PCDHGA1: variants seen among roughly 807,000 people sequenced by gnomAD.
The protein encoded by PCDHGA1 is protocadherin gamma-A1.
PCDHGA1 carries 32 observed loss-of-function variants against 58.0 expected under a neutral mutation model. The ratio of observed to expected loss-of-function variants is 0.55; its 90% confidence interval spans 0.42 to 0.74. The LOEUF (loss-of-function observed/expected upper bound fraction) is 0.74. PCDHGA1 is among the 30% of genes least tolerant of loss of function. The pLI is 0.00. For synonymous variants in PCDHGA1, 498 were observed against 501.1 expected (o/e 0.99, Z 0.08); for missense variants, 1,205 against 1,182.3 (o/e 1.02, Z -0.28).
At chr5:141,405,145 G>A (rs772542898) in intron 1 of PCDHGA1, 4 of 1,613,952 alleles carry the variant, frequency 2.5e-6, no homozygotes, top group African/African-American at 2.7e-5. Context: ...CCAGTGATGG[G>A]TTGGCTGGTG....
intron 1 of PCDHGA1, chr5:141,350,355 G>T: frequency 6.4e-7 from 1 of 1,565,964 alleles, no homozygotes; most frequent in Non-Finnish European, 8.7e-7. Flanking sequence ...CAGCAGATCC[G>T]ATACACGATT....
rs562011010 is a variant in PCDHGA1, at chr5:141,427,600, G to A, written c.2422-67207G>A. On this transcript the variant is annotated intron_variant, in intron 1 of 3. Coordinates refer to ENST00000517417, the MANE Select transcript of PCDHGA1 (RefSeq NM_018912.3). ...TCATCCAGCACAAGCCTCACCCTAC[G>A]CATTGGTGAAGTCAACGACAATGCT... The A allele has an allele frequency of 6.7e-5, 46 of 683,296 alleles. 1 individual carries two copies. The East Asian group carries it at 1.2e-3, about 18-fold the overall frequency. 42.3% of individuals were successfully genotyped at this position (683,296 alleles called of 1,614,324 possible). A position where few individuals can be genotyped will look rare whatever the true frequency, so the allele number is the denominator to read the frequency against.
At chr5:141,441,102 C>G (rs1057297804) in intron 1 of PCDHGA1, 1 of 152,148 alleles carries the variant, frequency 6.6e-6, no homozygotes, top group East Asian at 1.9e-4. Context: ...GAGAGGGACT[C>G]ATTGTCCAGT....
At chr5:141,344,217 C>A in intron 1 of PCDHGA1, 1 of 1,613,990 alleles carries the variant, frequency 6.2e-7, no homozygotes, top group Non-Finnish European at 8.5e-7. Flanking sequence ...GCTGGCGGAG[C>A]GCGGAGTCCG....
chr5:141,497,626 G>T (rs1373764805), intron 2 of PCDHGA1, among the ~76,000 whole-genome samples: 3 of 149,502 alleles, frequency 2.0e-5, no homozygotes, highest in Non-Finnish European at 4.4e-5. Flanking sequence ...TGCAACCTCT[G>T]CCTGCCAGGT....
At chr5:141,382,717 G>A (rs759719502) in intron 1 of PCDHGA1, 38 of 488,830 alleles carry the variant, frequency 7.8e-5, no homozygotes, top group Non-Finnish European at 9.8e-5. Flanking sequence ...AGAAACCACC[G>A]AGTTTTACAG....
chr5:141,389,124 C>T (rs2091613941), intron 1 of PCDHGA1: 2 of 1,613,878 alleles, frequency 1.2e-6, no homozygotes, highest in South Asian at 2.2e-5. Context: ...CGAGCAGAAT[C>T]CAGAGTACAA....
At chr5:141,396,821 G>A (rs934244827) in intron 1 of PCDHGA1, among the ~76,000 whole-genome samples, 5 of 152,314 alleles carry the variant, frequency 3.3e-5, no homozygotes, top group Middle Eastern at 3.4e-3. Context: ...ACTGTATGGT[G>A]CATATTCAGT....
At chr5:141,352,573 T>TC in intron 1 of PCDHGA1, 1 of 1,613,874 alleles carries the variant, frequency 6.2e-7, no homozygotes, top group Non-Finnish European at 8.5e-7. Context: ...CGGAAATGGC[T>TC]CCCCCTCAGG....
rs200064261 is a variant in PCDHGA1, at chr5:141,487,515, G to A, written c.2422-7292G>A. 3.7e-5 allele frequency: 59 copies of A among 1,614,018 alleles called. No homozygotes were observed. The highest frequency in any genetic ancestry group is 8.8e-5 in the South Asian group (8 of 91,086). On this transcript the variant is annotated intron_variant, in intron 1 of 3. Coordinates refer to ENST00000517417, the MANE Select transcript of PCDHGA1 (RefSeq NM_018912.3). The surrounding 1 kb of genome is among the most constrained non-coding windows in gnomAD (Gnocchi z 5.0). Reference sequence around the variant, plus strand: ...ACACCCTTGGCTTCTGCACCCACTCGGAGTGATAGCTTCATGATGGTGAAG... The same window carrying A: ...ACACCCTTGGCTTCTGCACCCACTCAGAGTGATAGCTTCATGATGGTGAAG...
intron 1 of PCDHGA1, chr5:141,409,951 G>T: frequency 6.2e-7 from 1 of 1,613,374 alleles, no homozygotes; most frequent in Non-Finnish European, 8.5e-7. Context: ...GCTCTGCAGA[G>T]CCCGGCTACC....
At position 141,512,348 on chromosome 5, in the gene PCDHGA1, G is replaced by C. The variant is rs1172891268; in HGVS notation, c.*1175G>C. 4 of 152,886 alleles carry C rather than the reference G, an allele frequency of 2.6e-5. No homozygotes were observed. The highest frequency in any genetic ancestry group is 9.6e-5 in the African/African-American group (4 of 41,462). The allele number at this position is 152,886 out of a possible 1,614,324, so 9.5% of individuals were successfully genotyped here. A position where few individuals can be genotyped will look rare whatever the true frequency, so the allele number is the denominator to read the frequency against. ...GGCCATTCTTAGTCCCTGGGTTGGG[G>C]AGGCAGGGAGCTAGGGCAGGGACCA... On this transcript the variant is annotated 3_prime_UTR_variant, in exon 4 of 4. Transcript: ENST00000517417.
At chr5:141,384,243 C>T in intron 1 of PCDHGA1, 1 of 1,613,880 alleles carries the variant, frequency 6.2e-7, no homozygotes, top group Non-Finnish European at 8.5e-7. Context: ...CCAACGATAA[C>T]CCACCCACCT....
intron 2 of PCDHGA1, among the ~76,000 whole-genome samples, chr5:141,505,172 A>C (rs1336105711): frequency 6.6e-6 from 1 of 152,178 alleles, no homozygotes; most frequent in Non-Finnish European, 1.5e-5. Context: ...AAACAAAAAG[A>C]AAAAAGCATC....
intron 1 of PCDHGA1, chr5:141,414,152 A>G (rs1251267001): frequency 1.9e-6 from 3 of 1,600,994 alleles, no homozygotes; most frequent in Non-Finnish European, 2.6e-6. Context: ...ATACAAGCAG[A>G]AGATGGAGGA....
rs1454395834 is a variant in PCDHGA1, at chr5:141,413,223, G to A, written c.2421+80118G>A. The stretch of plus-strand genomic sequence containing the variant: ...CAAAGGAATCAAAGGATTGCAGCGG[G>A]CTGGTCCTGCTCTGCCTTTTCTTCG... On this transcript the variant is annotated intron_variant, in intron 1 of 3. Transcript: ENST00000517417. 4 of 1,613,694 alleles carry A rather than the reference G, an allele frequency of 2.5e-6. No individual in the cohort carries two copies. In the African/African-American group the frequency reaches 4.0e-5, roughly 16 times the overall value.
intron 1 of PCDHGA1, among the ~76,000 whole-genome samples, chr5:141,479,036 G>C (rs1202411463): frequency 1.3e-5 from 2 of 152,012 alleles, no homozygotes; most frequent in Non-Finnish European, 2.9e-5. Flanking sequence ...TATACAGATC[G>C]TGTACCTCAT....
intron 1 of PCDHGA1, chr5:141,441,889 GT>G: frequency 2.9e-6 from 1 of 346,022 alleles, no homozygotes; most frequent in South Asian, 2.6e-5. Flanking sequence ...GGTCACCAAG[GT>G]GGTGGCTGTA....
At chr5:141,378,114 A>T (rs1024564517) in intron 1 of PCDHGA1, 1 of 152,284 alleles carries the variant, frequency 6.6e-6, no homozygotes, top group African/African-American at 2.4e-5. Flanking sequence ...CAGCATAGTG[A>T]ACACGTATTT....
Sources: gnomAD v4.1 joint callset for allele counts (sites outside exome capture counted in the v4.1 genomes callset) on GRCh38, gnomAD v4.1.1 for gene constraint, Gnocchi (gnomAD v3.1) non-coding constraint, MANE v1.5 for transcripts, NCBI Gene and HGNC (gene_info 2026-07-23, HGNC 2026-07-21) for gene names.